The following FBXL2 variants were observed in gnomAD, a reference collection of about 807,000 sequenced individuals.
FBXL2 encodes the protein F-box/LRR-repeat protein 2.
In FBXL2, 38 loss-of-function variants were observed where a neutral mutation model predicts 69.2. The ratio of observed to expected loss-of-function variants is 0.55; its 90% CI spans 0.42 to 0.72. FBXL2 has a LOEUF of 0.72. Among genes scored for constraint, FBXL2 ranks in the 30% least tolerant of loss-of-function variants. The probability of loss-of-function intolerance (pLI) is 0.00; values close to 1 mark genes in which losing one functional copy is unlikely to be tolerated. For synonymous variants in FBXL2, 192 were observed against 201.3 expected (o/e 0.95, Z 0.39); for missense variants, 354 against 520.3 (o/e 0.68, Z 3.11).
intron 2 of FBXL2, among the ~76,000 whole-genome samples, chr3:33,303,812 A>G (rs901099257): frequency 2.0e-5 from 3 of 152,150 alleles, no homozygotes; most frequent in African/African-American, 7.2e-5. Flanking sequence ...TTTATTAGAA[A>G]TACAGTTTGA....
chr3:33,387,974 G>A lies in FBXL2; in HGVS notation c.*2366G>A, dbSNP rs2043567216. 1 of 151,162 alleles carries A rather than the reference G, an allele frequency of 6.6e-6. No homozygotes were observed. The highest frequency in any genetic ancestry group is 2.4e-5 in the African/African-American group (1 of 41,038). 9.4% of individuals were successfully genotyped at this position (151,162 alleles called of 1,614,324 possible). A position where few individuals can be genotyped will look rare whatever the true frequency, so the allele number is the denominator to read the frequency against. On this transcript the variant is annotated 3_prime_UTR_variant, in exon 15 of 15. Transcript: ENST00000484457. ...AGTCCCAGCTACTCAGGAGACTGAGGCAGAAGAATGGCGTGAACCCGGGAG... is the reference window on the plus strand; with the variant it reads ...AGTCCCAGCTACTCAGGAGACTGAGACAGAAGAATGGCGTGAACCCGGGAG...
At position 33,379,159 on chromosome 3, in the gene FBXL2, G is replaced by A. The variant is rs144318543; in HGVS notation, c.951+418G>A. Among the ~76,000 whole-genome samples the A allele has an allele frequency of 2.8e-3, 430 of 152,016 alleles. 2 individuals are homozygous for A. The highest frequency in any genetic ancestry group is 9.2e-3 in the African/African-American group (381 of 41,440). ...GGGGATTACAAACATGCGCCACCAT[G>A]CCTGGCTAATTTTTGTATTTTTAGT... On this transcript the variant is annotated intron_variant, in intron 13 of 14. Coordinates refer to ENST00000484457, the MANE Select transcript of FBXL2 (RefSeq NM_012157.5).
chr3:33,373,018 GTGAA>G (rs1436511284), intron 5 of FBXL2, 70 bp from the exon 6 acceptor site: 37 of 1,265,030 alleles, frequency 2.9e-5, no homozygotes, highest in African/African-American at 1.2e-4. Flanking sequence ...TGTTCTAAGC[GTGAA>G]TGGTTTCATA....
rs146140633 is a variant in FBXL2 at position 33,301,042 on chromosome 3, G to A, written c.65+3317G>A. 9.2e-5 allele frequency among the ~76,000 whole-genome samples: 14 copies of A among 152,192 alleles called. No homozygotes were observed. The East Asian group carries it at 2.7e-3, about 29-fold the overall frequency. ...TTTCTAAGAAAAATGTTGAAGAAGG[G>A]TTTGAACCAGATTTCCTAAGCATCC... On this transcript the variant is annotated intron_variant, in intron 2 of 14. Coordinates refer to ENST00000484457, the MANE Select transcript of FBXL2 (RefSeq NM_012157.5).
intron 1 of FBXL2, 24 bp downstream of exon 1, chr3:33,277,539 C>G (rs1220527889): frequency 1.6e-6 from 2 of 1,285,348 alleles, no homozygotes; most frequent in East Asian, 3.1e-5. Context: ...CCGCGTCTGC[C>G]TAGCTGCCCC....
At chr3:33,360,051 C>T (rs1332975334) in intron 4 of FBXL2, among the ~76,000 whole-genome samples, 3 of 152,110 alleles carry the variant, frequency 2.0e-5, no homozygotes, top group African/African-American at 7.2e-5. Context: ...TAGGAATTGT[C>T]TGAAGTGCTG....
chr3:33,399,332 TAG>T (rs2044132310), intron 12 of FBXL2, among the ~76,000 whole-genome samples: 1 of 152,234 alleles, frequency 6.6e-6, no homozygotes, highest in Non-Finnish European at 1.5e-5. Flanking sequence ...AGGTTTCCTA[TAG>T]CACTACCTGG....
chr3:33,340,737 C>CA (rs1559568593), intron 2 of FBXL2, among the ~76,000 whole-genome samples: 2 of 151,134 alleles, frequency 1.3e-5, no homozygotes, highest in Admixed American at 6.6e-5. Flanking sequence ...ACTAAAAATA[C>CA]AAAAATTAGC....
intron 12 of FBXL2, chr3:33,393,117 T>C: frequency 1.7e-6 from 1 of 585,330 alleles, no homozygotes; most frequent in South Asian, 3.4e-5. Context: ...CAGTTTTCCT[T>C]GGCTTGTATT....
chr3:33,317,809 A>G (rs922315788), intron 2 of FBXL2, among the ~76,000 whole-genome samples: 40 of 152,180 alleles, frequency 2.6e-4, no homozygotes, highest in Non-Finnish European at 7.3e-5. Context: ...TCCCTAATCC[A>G]AAAATCAGAA....
At chr3:33,328,317 T>C (rs2038870416) in intron 2 of FBXL2, among the ~76,000 whole-genome samples, 1 of 152,070 alleles carries the variant, frequency 6.6e-6, no homozygotes, top group Non-Finnish European at 1.5e-5. Context: ...TATCAAAATA[T>C]CAATGATATT....
chr3:33,289,599 A>G (rs981022052), intron 1 of FBXL2: 12 of 179,170 alleles, frequency 6.7e-5, no homozygotes, highest in African/African-American at 9.5e-5. Flanking sequence ...AGAATTTGCA[A>G]TAGATAGTTA....
intron 2 of FBXL2, among the ~76,000 whole-genome samples, chr3:33,335,634 A>G (rs1034232036): frequency 6.6e-6 from 1 of 152,198 alleles, no homozygotes; most frequent in African/African-American, 2.4e-5. Flanking sequence ...GGTAGACTGC[A>G]AAAGGGACGT....
chr3:33,289,839 A>T (rs1341665119), intron 1 of FBXL2: 2 of 964,380 alleles, frequency 2.1e-6, no homozygotes, highest in Non-Finnish European at 2.5e-6. Flanking sequence ...CAGGAGAGTT[A>T]AGAGAAATCC....
chr3:33,361,034 C>T (rs1243196443), intron 4 of FBXL2, among the ~76,000 whole-genome samples: 40 of 141,034 alleles, frequency 2.8e-4, no homozygotes, highest in Middle Eastern at 3.9e-3. Flanking sequence ...TGGGTTCATG[C>T]GATTCTCCTG....
upstream of FBXL2, chr3:33,277,179 T>G: frequency 4.0e-6 from 1 of 250,044 alleles, no homozygotes; most frequent in South Asian, 2.2e-4. Flanking sequence ...TGTATAACGT[T>G]TTTTTTAAAA....
At chr3:33,417,629 G>C in the FBXL2 span, among the ~76,000 whole-genome samples, 1 of 152,054 alleles carries the variant, frequency 6.6e-6, no homozygotes, top group African/African-American at 2.4e-5. Context: ...CATCAATCTA[G>C]ATAATTAGGA....
intron 5 of FBXL2, among the ~76,000 whole-genome samples, chr3:33,371,524 A>C (rs1049975376): frequency 1.3e-5 from 2 of 152,104 alleles, no homozygotes; most frequent in Non-Finnish European, 2.9e-5. Context: ...ATGTGTCTAC[A>C]TAACATGTTT....
At chr3:33,323,684 A>G (rs1362134125) in intron 2 of FBXL2, among the ~76,000 whole-genome samples, 2 of 152,210 alleles carry the variant, frequency 1.3e-5, no homozygotes, top group African/African-American at 4.8e-5. Flanking sequence ...TATATGTACC[A>G]CATTTTCTTT....
Sources: gnomAD v4.1 joint callset for allele counts (sites outside exome capture counted in the v4.1 genomes callset) on GRCh38, gnomAD v4.1.1 for gene constraint, MANE v1.5 for transcripts, NCBI Gene and HGNC (gene_info 2026-07-23, HGNC 2026-07-21) for gene names.